CES5A: variants seen among roughly 807,000 people sequenced by gnomAD.
CES5A encodes carboxylesterase 5.
Under a neutral mutation model 62.9 loss-of-function variants are expected in CES5A, and 67 were observed. The observed-to-expected ratio is 1.07, with a 90% CI of 0.88 to 1.31. The LOEUF is 1.31. Among genes scored for constraint, CES5A ranks in the 50% most tolerant of loss-of-function variants. CES5A has a pLI of 0.00. For synonymous variants in CES5A, 296 were observed against 280.8 expected (o/e 1.05, Z -0.54); for missense variants, 748 against 708.5 (o/e 1.06, Z -0.63).
At chr16:55,945,231 A>G (rs1215702215) in intron 2 of CES5A, among the ~76,000 whole-genome samples, 1 of 152,088 alleles carries the variant, frequency 6.6e-6, no homozygotes, top group Admixed American at 6.5e-5. Context: ...AGCACTTCAT[A>G]AGCAATAATC....
At chr16:55,929,502 G>A (rs1044806669), upstream of CES5A, among the ~76,000 whole-genome samples, 2 of 151,996 alleles carry the variant, frequency 1.3e-5, no homozygotes, top group Non-Finnish European at 2.9e-5. Flanking sequence ...GCCCCTCTGC[G>A]CCTCCACATC....
chr16:55,846,457 A>G lies in CES5A; in HGVS notation c.1722T>C (p.Ala574=). The change falls in exon 13 of 13, where the codon GCT becomes GCC. Residue 574 remains alanine, a synonymous_variant. Coordinates refer to ENST00000290567, the MANE Select transcript of CES5A (RefSeq NM_001143685.2). ...SLLQPFFFFC[A]P is the part of the protein sequence containing the mutation. ...ATCACAGAAAGATAACTTCTCAAGG[A>G]GCACAAAAGAAAAAGAAAGGCTGGA... 3.1e-6 allele frequency: 5 copies of G among 1,611,974 alleles called. No individual in the cohort carries two copies. The highest frequency in any genetic ancestry group is 4.2e-6 in the Non-Finnish European group (5 of 1,178,188).
chr16:55,945,257 A>C (rs2034482113), intron 2 of CES5A, among the ~76,000 whole-genome samples: 1 of 152,176 alleles, frequency 6.6e-6, no homozygotes, highest in South Asian at 2.1e-4. Context: ...TTGAGCACCT[A>C]TTAGGGGTAG....
intron 1 of CES5A, among the ~76,000 whole-genome samples, chr16:55,908,078 G>A (rs576196138): frequency 5.3e-4 from 81 of 152,116 alleles, no homozygotes; most frequent in African/African-American, 1.6e-3. Flanking sequence ...GTCTGGCCTC[G>A]GTATTGAAGA....
At chr16:55,928,259 C>A (rs1187848721), upstream of CES5A, among the ~76,000 whole-genome samples, 1 of 152,038 alleles carries the variant, frequency 6.6e-6, no homozygotes, top group East Asian at 1.9e-4. Context: ...AAAAAATCAT[C>A]TTTTCCAGCA....
chr16:55,946,851 G>A (rs1198512500), intron 2 of CES5A, among the ~76,000 whole-genome samples: 1 of 152,162 alleles, frequency 6.6e-6, no homozygotes, highest in East Asian at 1.9e-4. Flanking sequence ...CTCAGTTCTT[G>A]GACCACCAGG....
At chr16:55,882,583 C>A (rs997236936) in intron 1 of CES5A, among the ~76,000 whole-genome samples, 22 of 152,196 alleles carry the variant, frequency 1.4e-4, no homozygotes, top group Non-Finnish European at 5.9e-5. Context: ...CAGACCCTAC[C>A]CCACTCAAAC....
chr16:55,917,277 C>T (rs1941133293), intron 1 of CES5A, among the ~76,000 whole-genome samples: 2 of 152,216 alleles, frequency 1.3e-5, no homozygotes, highest in African/African-American at 2.4e-5. Context: ...CCTATTGCTG[C>T]CTCACAAATT....
intron 2 of CES5A, chr16:55,944,237 C>T: frequency 1.6e-6 from 1 of 621,722 alleles, no homozygotes; most frequent in South Asian, 1.9e-5. Flanking sequence ...CCCCTCTCCT[C>T]CAGGGACTTT....
chr16:55,887,154 G>A (rs1356247101), intron 1 of CES5A, among the ~76,000 whole-genome samples: 1 of 152,088 alleles, frequency 6.6e-6, no homozygotes, highest in Non-Finnish European at 1.5e-5. Flanking sequence ...GAATCAAGAG[G>A]TGAAAGAAAT....
At chr16:55,866,810 C>G (rs1220234077) in intron 4 of CES5A, among the ~76,000 whole-genome samples, 3 of 151,750 alleles carry the variant, frequency 2.0e-5, no homozygotes, top group African/African-American at 7.3e-5. Flanking sequence ...TGCACTCCAG[C>G]CTGGGCAATA....
At position 55,891,877 on chromosome 16, in the gene CES5A, G is replaced by A. The variant is rs563456771; in HGVS notation, c.-255-17840C>T. 3.4e-4 allele frequency among the ~76,000 whole-genome samples: 51 copies of A among 152,178 alleles called. No homozygotes were observed. The Middle Eastern group carries it at 0.01, about 30-fold the overall frequency. On this transcript the variant is annotated intron_variant, in intron 1 of 12. Coordinates refer to the CES5A transcript ENST00000518005. ...CTAGCGTAACATACGTGACAAAGAA[G>A]AAAACAAAATATTTTACCCCAAAAC...
intron 2 of CES5A, among the ~76,000 whole-genome samples, chr16:55,947,241 A>T (rs765010438): frequency 6.6e-5 from 10 of 152,174 alleles, no homozygotes; most frequent in Non-Finnish European, 1.0e-4. Flanking sequence ...AAAAGATCAG[A>T]TGGAGAAGAG....
chr16:55,942,011 G>A (rs374091100), intron 2 of CES5A, among the ~76,000 whole-genome samples: 37 of 152,202 alleles, frequency 2.4e-4, no homozygotes, highest in Admixed American at 6.5e-4. Context: ...TAACAGAAGC[G>A]CTGAAACAAT....
chr16:55,901,005 A>G (rs550093035), intron 1 of CES5A, among the ~76,000 whole-genome samples: 1 of 152,274 alleles, frequency 6.6e-6, no homozygotes, highest in South Asian at 2.1e-4. Flanking sequence ...TACCTAGGCC[A>G]GGGGCCTCAT....
At chr16:55,886,773 G>T (rs1232579573) in intron 1 of CES5A, among the ~76,000 whole-genome samples, 1 of 152,128 alleles carries the variant, frequency 6.6e-6, no homozygotes, top group Admixed American at 6.5e-5. Flanking sequence ...GGATTTATGG[G>T]TTTGCCTTCC....
chr16:55,927,524 C>A (rs1207296492), upstream of CES5A, among the ~76,000 whole-genome samples: 1 of 152,172 alleles, frequency 6.6e-6, no homozygotes, highest in Non-Finnish European at 1.5e-5. Flanking sequence ...AAATTCTTAA[C>A]ACCACTAATC....
At chr16:55,933,096 A>G (rs890269162) in intron 2 of CES5A, among the ~76,000 whole-genome samples, 1 of 152,226 alleles carries the variant, frequency 6.6e-6, no homozygotes, top group African/African-American at 2.4e-5. Flanking sequence ...TTCATCTTGC[A>G]GCTCTACCAT....
At chr16:55,915,169 C>G (rs1207333214) in intron 1 of CES5A, among the ~76,000 whole-genome samples, 2 of 152,080 alleles carry the variant, frequency 1.3e-5, no homozygotes, top group Admixed American at 6.5e-5. Context: ...CACCAGGTAC[C>G]GGGAGAGCAT....
Sources: gnomAD v4.1 joint callset for allele counts (sites outside exome capture counted in the v4.1 genomes callset) on GRCh38, gnomAD v4.1.1 for gene constraint, MANE v1.5 for transcripts, NCBI Gene and HGNC (gene_info 2026-07-23, HGNC 2026-07-21) for gene names.